The following SLCO5A1 variants were observed in gnomAD, a reference collection of about 807,000 sequenced individuals.
SLCO5A1 encodes the protein organic anion transporter polypeptide-related protein 4.
SLCO5A1 carries 39 observed loss-of-function variants against 65.1 expected under a neutral mutation model. That is an observed-to-expected ratio of 0.60 (90% CI 0.46 to 0.78). The LOEUF is 0.78. Ranked by LOEUF, SLCO5A1 falls within the 30% of genes least tolerant of loss-of-function variation. The pLI, the probability that SLCO5A1 is intolerant of heterozygous loss-of-function variation, is 0.00. For missense variants in SLCO5A1, 1,029 were observed against 1,069.4 expected (o/e 0.96, Z 0.53); for synonymous variants, 438 against 415.7 (o/e 1.05, Z -0.65).
chr8:69,672,957 G>A lies in SLCO5A1; in HGVS notation c.2459C>T (p.Thr820Ile). The A allele has an allele frequency of 6.2e-7, 1 of 1,614,222 alleles. No homozygotes were observed. Among genetic ancestry groups the A allele is most frequent in the Non-Finnish European group, 8.5e-7 (1 of 1,180,044 alleles). The change falls in exon 10 of 10, where the codon ACC becomes ATC. Residue 820 changes from threonine to isoleucine, a missense_variant. Thr to Ile is a moderately conservative substitution (Grantham distance 89). This residue lies in a region of SLCO5A1 where 258 missense variants were observed against 237.4 expected (regional missense o/e 1.09). Coordinates refer to ENST00000260126, the MANE Select transcript of SLCO5A1 (RefSeq NM_030958.3). ...TGCTTCTGGGAAGGGCCCCGGGTAGGTCTGTGCTGCGCACTGGATCCCTTT... is the reference window on the plus strand; with the variant it reads ...TGCTTCTGGGAAGGGCCCCGGGTAGATCTGTGCTGCGCACTGGATCCCTTT... ...LQKGIQCAAQTYPGPFPEAIS... is the reference protein window; with the variant it reads ...LQKGIQCAAQIYPGPFPEAIS...
Position 69,832,170 on chromosome 8 carries a change from C to A in SLCO5A1, c.504G>T (p.Gly168=), listed in dbSNP as rs1821184183. Residue 168 remains glycine (G), a synonymous_variant, in exon 2 of 10, where the codon GGG becomes GGT. Transcript: ENST00000260126. The surrounding 1 kb of genome is among the most constrained non-coding windows in gnomAD (Gnocchi z 4.5). ...CGATGTCAAAGCAGCTGACCAGCAGCCCCGACTCGGAACTCTTCAGACTGT... is the reference window on the plus strand; with the variant it reads ...CGATGTCAAAGCAGCTGACCAGCAGACCCGACTCGGAACTCTTCAGACTGT... The part of the protein sequence containing the change: ...RRYSLKSSES[G]LLVSCFDIGN... 3.1e-6 allele frequency: 5 copies of A among 1,614,078 alleles called. No individual in the cohort carries two copies. Among genetic ancestry groups the A allele is most frequent in the Non-Finnish European group, 4.2e-6 (5 of 1,180,054 alleles).
chr8:69,806,888 G>T lies in SLCO5A1; in HGVS notation c.907+24879C>A, dbSNP rs111626043. ...CATGATGTAGAGTGGGAAAACAGAA[G>T]TTAATTAGAAAATCTTGGCTAATAC... On this transcript the variant is annotated intron_variant, in intron 2 of 9. Coordinates refer to ENST00000260126, the MANE Select transcript of SLCO5A1 (RefSeq NM_030958.3). Among the ~76,000 whole-genome samples, 32 of 152,328 alleles carry T rather than the reference G, an allele frequency of 2.1e-4. 1 individual carries two copies. The highest frequency in any genetic ancestry group is 7.2e-4 in the African/African-American group (30 of 41,578).
In SLCO5A1 at chr8:69,832,506, G is replaced by A; in HGVS notation, c.168C>T (p.Asp56=). ...CRPSLSPTSG[D]ANPAFGCVDS... ...CCACACAGCCAAAGGCCGGGTTGGC[G>A]TCTCCACTAGTGGGACTGAGGCTTG... Residue 56 remains aspartate (D), a synonymous_variant, in exon 2 of 10, where the codon GAC becomes GAT. Coordinates refer to ENST00000260126, the MANE Select transcript of SLCO5A1 (RefSeq NM_030958.3). This position sits in a 1 kb window ranked among gnomAD's most constrained non-coding sequence, Gnocchi z 4.5. The A allele has an allele frequency of 6.2e-7, 1 of 1,609,394 alleles. No individual in the cohort carries two copies. Among genetic ancestry groups the A allele is most frequent in the Non-Finnish European group, 8.5e-7 (1 of 1,178,158 alleles).
chr8:69,673,375 A>T (rs762863951), intron 9 of SLCO5A1, 49 bp from the exon 10 acceptor site: 23 of 1,491,336 alleles, frequency 1.5e-5, no homozygotes, highest in Non-Finnish European at 2.1e-5. Context: ...ACATCTTCCA[A>T]GGGAAAACAG....
chr8:69,726,531 A>C (rs1816087126), intron 5 of SLCO5A1, among the ~76,000 whole-genome samples: 2 of 125,444 alleles, frequency 1.6e-5, no homozygotes, highest in Admixed American at 9.3e-5. Flanking sequence ...ACAGAGTCTC[A>C]CTCTGTTGCC....
chr8:69,832,338 G>A lies in SLCO5A1; in HGVS notation c.336C>T (p.Ala112=). The A allele has an allele frequency of 6.2e-7, 1 of 1,614,146 alleles. No individual in the cohort carries two copies. Among genetic ancestry groups the A allele is most frequent in the South Asian group, 1.1e-5 (1 of 91,080 alleles). The part of the protein sequence containing the change: ...SKTFSVSSAL[A]MLQERRCLYV... ...AGAGGCACCTTCTCTCCTGGAGCAT[G>A]GCCAAGGCGGAGGACACCGAGAAGG... Residue 112 remains alanine (A), a synonymous_variant, in exon 2 of 10, where the codon GCC becomes GCT. Transcript: ENST00000260126. The surrounding 1 kb of genome is among the most constrained non-coding windows in gnomAD (Gnocchi z 4.5).
chr8:69,721,229 T>C (rs1056065706), intron 5 of SLCO5A1, among the ~76,000 whole-genome samples: 5 of 152,184 alleles, frequency 3.3e-5, no homozygotes, highest in African/African-American at 1.2e-4. Flanking sequence ...GGAGAAGAAA[T>C]TGGAAGCACT....
intron 5 of SLCO5A1, among the ~76,000 whole-genome samples, chr8:69,725,690 T>C (rs1032118132): frequency 4.6e-5 from 7 of 152,308 alleles, no homozygotes; most frequent in Admixed American, 3.3e-4. Context: ...ATTGTAGAGA[T>C]GCAAACCCTA....
At chr8:69,732,373 C>T (rs1816372709) in intron 5 of SLCO5A1, among the ~76,000 whole-genome samples, 1 of 152,168 alleles carries the variant, frequency 6.6e-6, no homozygotes, top group African/African-American at 2.4e-5. Context: ...TAATTGTACA[C>T]ATCAAAGGGC....
At chr8:69,738,738 G>T (rs1309895731) in intron 4 of SLCO5A1, among the ~76,000 whole-genome samples, 1 of 152,172 alleles carries the variant, frequency 6.6e-6, no homozygotes, top group East Asian at 1.9e-4. Flanking sequence ...AAAGCTAAAA[G>T]AATGAGGCCA....
chr8:69,697,373 G>C (rs1356181139), intron 6 of SLCO5A1, among the ~76,000 whole-genome samples: 1 of 152,196 alleles, frequency 6.6e-6, no homozygotes, highest in African/African-American at 2.4e-5. Flanking sequence ...CTGGGCGACA[G>C]AGCGAGATTC....
chr8:69,750,547 C>T (rs1194036218), intron 4 of SLCO5A1, among the ~76,000 whole-genome samples: 1 of 152,136 alleles, frequency 6.6e-6, no homozygotes, highest in African/African-American at 2.4e-5. Context: ...GTCCAACAGA[C>T]CAACCACAAA....
chr8:69,699,543 A>G (rs1226111122), intron 6 of SLCO5A1, among the ~76,000 whole-genome samples: 1 of 140,068 alleles, frequency 7.1e-6, no homozygotes, highest in Non-Finnish European at 1.5e-5. Context: ...AGATGACAAG[A>G]CCTACCCTCA....
intron 5 of SLCO5A1, among the ~76,000 whole-genome samples, chr8:69,719,286 A>T (rs1434523309): frequency 6.6e-6 from 1 of 152,202 alleles, no homozygotes; most frequent in East Asian, 1.9e-4. Flanking sequence ...TTCAAAAGAC[A>T]TGCACAATTC....
intron 5 of SLCO5A1, among the ~76,000 whole-genome samples, chr8:69,712,588 A>G (rs1815319270): frequency 6.6e-6 from 1 of 152,162 alleles, no homozygotes; most frequent in African/African-American, 2.4e-5. Context: ...GGGAGCTTCA[A>G]TTGTGCTATT....
chr8:69,814,690 T>C (rs1036717659), intron 2 of SLCO5A1, among the ~76,000 whole-genome samples: 1 of 152,148 alleles, frequency 6.6e-6, no homozygotes, highest in African/African-American at 2.4e-5. Context: ...TTACCAAAGA[T>C]TTGAAATCAC....
At chr8:69,803,189 G>A (rs764720369) in intron 2 of SLCO5A1, among the ~76,000 whole-genome samples, 2 of 151,972 alleles carry the variant, frequency 1.3e-5, no homozygotes, top group Non-Finnish European at 2.9e-5. Context: ...GCCAAGGCGG[G>A]TGGATCATCT....
Position 69,667,993 on chromosome 8 carries a change from G to A in SLCO5A1, c.*4876C>T, listed in dbSNP as rs1458978995. On this transcript the variant is annotated 3_prime_UTR_variant, in exon 10 of 10. Coordinates refer to ENST00000260126, the MANE Select transcript of SLCO5A1 (RefSeq NM_030958.3). ...AGCAGTGAAATACTGTGAATTCAGTGGCGCTTTTTAGTGGTGAACATGCGT... is the reference window on the plus strand; with the variant it reads ...AGCAGTGAAATACTGTGAATTCAGTAGCGCTTTTTAGTGGTGAACATGCGT... 6.6e-6 allele frequency: 1 copy of A among 152,220 alleles called. No homozygotes were observed. The highest frequency in any genetic ancestry group is 1.9e-4 in the East Asian group (1 of 5,194). 9.4% of individuals were successfully genotyped at this position (152,220 alleles called of 1,614,324 possible).
chr8:69,829,907 C>T (rs970061676), intron 2 of SLCO5A1, among the ~76,000 whole-genome samples: 3 of 152,194 alleles, frequency 2.0e-5, no homozygotes, highest in Non-Finnish European at 4.4e-5. Flanking sequence ...CATATATACA[C>T]TCACACACAG....
Sources: allele counts gnomAD v4.1 joint callset (sites outside exome capture counted in the v4.1 genomes callset), GRCh38; gene constraint gnomAD v4.1.1; regional missense constraint gnomAD v4.1.1; non-coding constraint Gnocchi (gnomAD v3.1); transcripts MANE v1.5; gene names NCBI Gene and HGNC (gene_info 2026-07-23, HGNC 2026-07-21).